Variants in UBXN8 observed in about 807,000 individuals in gnomAD.
UBXN8 encodes UBX domain-containing protein 8.
UBXN8 carries 27 observed loss-of-function variants against 32.1 expected under a neutral mutation model. That is an observed-to-expected ratio of 0.84 (90% CI 0.62 to 1.16). UBXN8 has a LOEUF of 1.16. Among genes scored for constraint, UBXN8 ranks in the 50% most tolerant of loss-of-function variants. UBXN8 has a pLI of 0.00. For missense variants in UBXN8, 306 were observed against 311.4 expected (o/e 0.98, Z 0.13); for synonymous variants, 109 against 111.8 (o/e 0.98, Z 0.16).
upstream of UBXN8, among the ~76,000 whole-genome samples, chr8:30,729,203 A>G: frequency 6.6e-6 from 1 of 152,306 alleles, no homozygotes; most frequent in Middle Eastern, 3.4e-3. Flanking sequence ...AGCGACGCGG[A>G]TCCTGCGAGC....
chr8:30,743,330 A>G (rs1255371037), upstream of UBXN8, among the ~76,000 whole-genome samples: 1 of 151,550 alleles, frequency 6.6e-6, no homozygotes, highest in Non-Finnish European at 1.5e-5. Flanking sequence ...TAATTTTTGT[A>G]TTTTTAGTAG....
intron 4 of UBXN8, 97 bp downstream of exon 4, chr8:30,754,884 G>A: frequency 7.0e-7 from 1 of 1,420,980 alleles, no homozygotes; most frequent in Non-Finnish European, 9.3e-7. Flanking sequence ...ACTGCTTTTA[G>A]GAGTTTTTAT....
intron 1 of UBXN8, among the ~76,000 whole-genome samples, chr8:30,737,376 G>A (rs529894371): frequency 6.6e-6 from 1 of 152,244 alleles, no homozygotes; most frequent in South Asian, 2.1e-4. Context: ...AGGGCAATCT[G>A]CTTACTCAGA....
At chr8:30,744,579 C>G (rs1215783776) in intron 1 of UBXN8, 1 of 478,076 alleles carries the variant, frequency 2.1e-6, no homozygotes, top group Non-Finnish European at 3.7e-6. Context: ...AGATGAAGGT[C>G]TTGTGAGAAT....
intron 1 of UBXN8, among the ~76,000 whole-genome samples, chr8:30,738,965 CT>C (rs1805130882): frequency 6.6e-6 from 1 of 150,490 alleles, no homozygotes; most frequent in Admixed American, 6.7e-5. Flanking sequence ...TCAAAAAAGG[CT>C]TTTTTGTTGT....
rs1322677645 is a variant in UBXN8 at position 30,766,161 on chromosome 8, G to A, written c.646-66G>A. ...ATTGACAAAATTATAAAATGTTATG[G>A]TGGTCTAAAGGGACATGGTGTGTAA... On this transcript the variant is annotated intron_variant, in intron 7 of 7. Coordinates refer to ENST00000265616, the MANE Select transcript of UBXN8 (RefSeq NM_005671.4). 9 of 1,456,662 alleles carry A rather than the reference G, an allele frequency of 6.2e-6. No individual in the cohort carries two copies. The African/African-American group carries it at 7.0e-5, about 11-fold the overall frequency. 90.2% of individuals were successfully genotyped at this position (1,456,662 alleles called of 1,614,324 possible). A position where few individuals can be genotyped will look rare whatever the true frequency, so the allele number is the denominator to read the frequency against.
intron 1 of UBXN8, among the ~76,000 whole-genome samples, chr8:30,750,224 G>C (rs1035912166): frequency 3.3e-5 from 5 of 151,896 alleles, no homozygotes; most frequent in Admixed American, 2.0e-4. Context: ...ACAATCCCAG[G>C]ACCTTGGGAG....
At chr8:30,754,961 T>G (rs1586099978) in intron 4 of UBXN8, among the ~76,000 whole-genome samples, 174 bp downstream of exon 4, 1 of 151,162 alleles carries the variant, frequency 6.6e-6, no homozygotes, top group Non-Finnish European at 1.5e-5. Flanking sequence ...TGGTCGTTTT[T>G]TTTTTTTTTT....
chr8:30,758,779 T>C (rs1240554180), intron 5 of UBXN8, among the ~76,000 whole-genome samples: 1 of 152,040 alleles, frequency 6.6e-6, no homozygotes, highest in Admixed American at 6.6e-5. Context: ...ATGAGTTATT[T>C]AGCAAATGCA....
intron 4 of UBXN8, among the ~76,000 whole-genome samples, chr8:30,755,760 G>GAAAAAAAAAAAAA (rs34287599): frequency 1.1e-5 from 1 of 88,920 alleles, no homozygotes; most frequent in Non-Finnish European, 1.9e-5. Flanking sequence ...CCTTTCTCCA[G>GAAAAAAAAAAAAA]AAAAAAAAAA....
chr8:30,758,930 G>C (rs1229547091), intron 5 of UBXN8, among the ~76,000 whole-genome samples: 1 of 90,774 alleles, frequency 1.1e-5, no homozygotes, highest in Non-Finnish European at 2.0e-5. Flanking sequence ...GTCTCGCTTT[G>C]TCACCCAGGC....
chr8:30,759,802 A>G (rs547157395), intron 5 of UBXN8, among the ~76,000 whole-genome samples: 1 of 150,926 alleles, frequency 6.6e-6, no homozygotes, highest in East Asian at 2.0e-4. Context: ...TAAAAAATAC[A>G]AAAAATTAGC....
intron 1 of UBXN8, among the ~76,000 whole-genome samples, chr8:30,736,630 G>A (rs182876190): frequency 2.6e-4 from 39 of 152,106 alleles, no homozygotes; most frequent in African/African-American, 8.4e-4. Flanking sequence ...CCACCACCAT[G>A]CCCAGATACT....
intron 1 of UBXN8, among the ~76,000 whole-genome samples, chr8:30,749,608 CTTTTTTTTTTTTTTT>C (rs1166056840): frequency 1.7e-5 from 2 of 115,058 alleles, no homozygotes; most frequent in African/African-American, 6.3e-5. Flanking sequence ...TTCTTTTTTT[CTTTTTTTTTTTTTTT>C]GAGACAGAGT....
At chr8:30,760,504 C>T (rs7845214) in intron 5 of UBXN8, among the ~76,000 whole-genome samples, 27,656 of 132,814 alleles carry the variant, frequency 0.21, 2,837 homozygotes, top group South Asian at 0.3. Context: ...CCTTGAACTT[C>T]TGAGCTCAAG....
At chr8:30,730,727 G>T (rs1020261207), upstream of UBXN8, among the ~76,000 whole-genome samples, 1 of 152,222 alleles carries the variant, frequency 6.6e-6, no homozygotes, top group Non-Finnish European at 1.5e-5. Flanking sequence ...GAGAGACTGT[G>T]TGAGGCCTAT....
chr8:30,749,846 T>A (rs992749457), intron 1 of UBXN8, among the ~76,000 whole-genome samples: 1 of 152,040 alleles, frequency 6.6e-6, no homozygotes, highest in Non-Finnish European at 1.5e-5. Flanking sequence ...ACCTCTGATC[T>A]GCCTGCCTCG....
At chr8:30,754,245 A>G in intron 3 of UBXN8, 1 of 330,884 alleles carries the variant, frequency 3.0e-6, no homozygotes, top group Non-Finnish European at 6.0e-6. Context: ...ATCTCAAAAC[A>G]AAAACAAAAA....
chr8:30,763,435 A>T, intron 7 of UBXN8, 88 bp downstream of exon 7: 1 of 1,287,032 alleles, frequency 7.8e-7, no homozygotes, highest in Non-Finnish European at 1.1e-6. Context: ...GTGTGATCAC[A>T]CTGTCATCTG....
Sources: allele counts gnomAD v4.1 joint callset (sites outside exome capture counted in the v4.1 genomes callset), GRCh38; gene constraint gnomAD v4.1.1; transcripts MANE v1.5; gene names NCBI Gene and HGNC (gene_info 2026-07-23, HGNC 2026-07-21).